Variants in SLC9A9 observed in about 807,000 individuals in gnomAD.
The protein encoded by SLC9A9 is sodium/hydrogen exchanger 9.
SLC9A9 carries 62 observed loss-of-function variants against 77.8 expected under a neutral mutation model. The ratio of observed to expected loss-of-function variants is 0.80; its 90% CI spans 0.65 to 0.98. The LOEUF is 0.98. Among genes scored for constraint, SLC9A9 ranks in the 50% least tolerant of loss-of-function variants. The pLI, the probability that SLC9A9 is intolerant of heterozygous loss-of-function variation, is 0.00. For missense variants in SLC9A9, 775 were observed against 774.9 expected (o/e 1.00, Z 0.00); for synonymous variants, 320 against 283.5 (o/e 1.13, Z -1.29).
At chr3:143,785,903 C>T (rs1470640072) in intron 4 of SLC9A9, among the ~76,000 whole-genome samples, 3 of 135,372 alleles carry the variant, frequency 2.2e-5, no homozygotes, top group Admixed American at 8.5e-5. Context: ...GTCGCCCAGG[C>T]TGGAGTGCAG....
At position 143,272,680 on chromosome 3, in the gene SLC9A9, A is replaced by T. The variant is rs562720647; in HGVS notation, c.1605-3700T>A. ...AGGTAAGAAAACTCTTCTATCTATT[A>T]AAAAAAACCCAACGGCAGATTTTGC... On this transcript the variant is annotated intron_variant, in intron 14 of 15. Coordinates refer to ENST00000316549, the MANE Select transcript of SLC9A9 (RefSeq NM_173653.4). 1.1e-4 allele frequency among the ~76,000 whole-genome samples: 16 copies of T among 152,170 alleles called. No homozygotes were observed. In the South Asian group the frequency reaches 3.1e-3, roughly 30 times the overall value.
intron 4 of SLC9A9, among the ~76,000 whole-genome samples, chr3:143,705,785 C>T (rs2108792469): frequency 6.6e-6 from 1 of 152,234 alleles, no homozygotes; most frequent in Admixed American, 6.5e-5. Flanking sequence ...GAAATGACCA[C>T]ACATTCAGAT....
chr3:143,749,467 G>T (rs1002935564), intron 4 of SLC9A9, among the ~76,000 whole-genome samples: 14 of 152,118 alleles, frequency 9.2e-5, no homozygotes, highest in African/African-American at 2.9e-4. Flanking sequence ...AAATTCCCTC[G>T]CTCCCACTCA....
intron 8 of SLC9A9, among the ~76,000 whole-genome samples, chr3:143,569,861 T>C (rs980199588): frequency 6.0e-5 from 9 of 149,798 alleles, no homozygotes; most frequent in Non-Finnish European, 1.3e-4. Flanking sequence ...TTGCCCAGAA[T>C]AGAATGCAGT....
At chr3:143,753,903 T>C (rs1480023279) in intron 4 of SLC9A9, among the ~76,000 whole-genome samples, 1 of 152,168 alleles carries the variant, frequency 6.6e-6, no homozygotes, top group East Asian at 1.9e-4. Flanking sequence ...AGAGAAAAAG[T>C]TCTTCACATT....
intron 5 of SLC9A9, among the ~76,000 whole-genome samples, chr3:143,678,515 G>A (rs1027614953): frequency 9.9e-5 from 15 of 152,172 alleles, no homozygotes; most frequent in African/African-American, 3.6e-4. Context: ...GATAGCCAGT[G>A]AATTGTGCTA....
chr3:143,336,034 T>C (rs979713884), intron 14 of SLC9A9, among the ~76,000 whole-genome samples: 1 of 152,166 alleles, frequency 6.6e-6, no homozygotes. Context: ...ATATTCAGAC[T>C]ATGTTAAAAC....
chr3:143,630,135 T>C (rs2108726295), intron 6 of SLC9A9, among the ~76,000 whole-genome samples: 1 of 152,328 alleles, frequency 6.6e-6, no homozygotes, highest in Admixed American at 6.5e-5. Context: ...GACAACCTTT[T>C]GTTATTCTTT....
At chr3:143,840,680 C>T (rs1193659098) in intron 1 of SLC9A9, among the ~76,000 whole-genome samples, 1 of 152,200 alleles carries the variant, frequency 6.6e-6, no homozygotes, top group Non-Finnish European at 1.5e-5. Flanking sequence ...TCAGAGGCTT[C>T]AAGGTAGAGA....
At chr3:143,346,064 T>G (rs1440153770) in intron 14 of SLC9A9, among the ~76,000 whole-genome samples, 4 of 152,078 alleles carry the variant, frequency 2.6e-5, no homozygotes, top group Non-Finnish European at 5.9e-5. Context: ...CTAGGTCCAG[T>G]TTTAACAATT....
intron 4 of SLC9A9, among the ~76,000 whole-genome samples, chr3:143,752,639 C>T (rs986689314): frequency 2.6e-5 from 4 of 151,106 alleles, no homozygotes; most frequent in African/African-American, 4.9e-5. Flanking sequence ...TGCACAGAGC[C>T]GCAACTCTTG....
At chr3:143,539,696 C>T (rs561588652) in intron 9 of SLC9A9, among the ~76,000 whole-genome samples, 50 of 152,138 alleles carry the variant, frequency 3.3e-4, no homozygotes, top group Admixed American at 3.9e-4. Context: ...TAATAGTGGG[C>T]GACCATCTGT....
intron 12 of SLC9A9, among the ~76,000 whole-genome samples, chr3:143,445,258 T>C (rs1446172366): frequency 6.6e-6 from 1 of 152,234 alleles, no homozygotes; most frequent in African/African-American, 2.4e-5. Flanking sequence ...ACAGTGAGTA[T>C]ATCACGGGGT....
intron 6 of SLC9A9, among the ~76,000 whole-genome samples, chr3:143,623,650 C>G: frequency 6.6e-6 from 1 of 151,932 alleles, no homozygotes. Context: ...TAAATGCCCA[C>G]AAGAGAAAGC....
intron 4 of SLC9A9, among the ~76,000 whole-genome samples, chr3:143,701,287 T>A (rs761213215): frequency 1.3e-5 from 2 of 152,050 alleles, no homozygotes; most frequent in Non-Finnish European, 2.9e-5. Context: ...GTGGAAAACA[T>A]AACCTCACCA....
In SLC9A9 at chr3:143,270,293, C is replaced by CTT. The variant is rs527504913; in HGVS notation, c.1605-1315_1605-1314dup. On this transcript the variant is annotated intron_variant, in intron 14 of 15. Transcript: ENST00000316549. ...CTTTTAATTTTCATTAGTGTTATTTCTTTCATTTTATGTATGAAGGAATTG... is the reference window on the plus strand; with the variant it reads ...CTTTTAATTTTCATTAGTGTTATTTCTTTTTCATTTTATGTATGAAGGAATTG... Among the ~76,000 whole-genome samples, 46 of 152,278 alleles carry CTT rather than the reference C, an allele frequency of 3.0e-4. No homozygotes were observed. In the East Asian group the frequency reaches 6.6e-3, roughly 22 times the overall value.
intron 12 of SLC9A9, among the ~76,000 whole-genome samples, chr3:143,396,115 T>C (rs1230245738): frequency 5.3e-5 from 8 of 152,144 alleles, no homozygotes; most frequent in African/African-American, 4.8e-5. Context: ...ACCCAAAGGA[T>C]TATAAATCAT....
chr3:143,516,266 CTATTT>C (rs1304196429), intron 9 of SLC9A9, among the ~76,000 whole-genome samples: 3 of 151,392 alleles, frequency 2.0e-5, no homozygotes, highest in African/African-American at 7.3e-5. Flanking sequence ...TCAAAATTGT[CTATTT>C]TATTTGTCTT....
chr3:143,476,601 C>T (rs1328853824), intron 11 of SLC9A9, among the ~76,000 whole-genome samples: 1 of 152,172 alleles, frequency 6.6e-6, no homozygotes, highest in Non-Finnish European at 1.5e-5. Flanking sequence ...AAATCTTCAA[C>T]AGAGAGTTTC....
Sources: gnomAD v4.1 joint callset for allele counts (sites outside exome capture counted in the v4.1 genomes callset) on GRCh38, gnomAD v4.1.1 for gene constraint, MANE v1.5 for transcripts, NCBI Gene and HGNC (gene_info 2026-07-23, HGNC 2026-07-21) for gene names.